NKIRAS1: variants seen among roughly 807,000 people sequenced by gnomAD.
NKIRAS1 encodes NFKB inhibitor interacting Ras like 1.
Under a neutral mutation model 19.8 loss-of-function variants are expected in NKIRAS1, and 16 were observed. The observed-to-expected ratio is 0.81, with a 90% CI of 0.55 to 1.23. NKIRAS1 has a LOEUF of 1.23. Among genes scored for constraint, NKIRAS1 ranks in the 50% most tolerant of loss-of-function variants. The probability of loss-of-function intolerance (pLI) is 0.00; values close to 1 mark genes in which losing one functional copy is unlikely to be tolerated. For missense variants in NKIRAS1, 184 were observed against 220.0 expected (o/e 0.84, Z 1.04); for synonymous variants, 88 against 79.0 (o/e 1.11, Z -0.61).
chr3:23,935,851 A>C (rs4300960), intron 1 of NKIRAS1, among the ~76,000 whole-genome samples: 20,551 of 152,102 alleles, frequency 0.14, 1,993 homozygotes, highest in African/African-American at 0.26. Flanking sequence ...AGGCCAAGGC[A>C]GGAGGATTGC....
chr3:23,902,195 TAC>T (rs1352019026), intron 3 of NKIRAS1, among the ~76,000 whole-genome samples: 1 of 152,224 alleles, frequency 6.6e-6, no homozygotes, highest in Non-Finnish European at 1.5e-5. Flanking sequence ...TTAAACTAGT[TAC>T]AGTTTTCCTA....
intron 1 of NKIRAS1, among the ~76,000 whole-genome samples, chr3:23,936,079 T>G (rs1705386726): frequency 4.5e-5 from 1 of 22,138 alleles, no homozygotes; most frequent in Non-Finnish European, 1.0e-4. Flanking sequence ...AGGGACCCTG[T>G]CTCAAAAAAA....
chr3:23,912,785 C>G (rs1456393287), intron 1 of NKIRAS1, among the ~76,000 whole-genome samples: 3 of 152,064 alleles, frequency 2.0e-5, no homozygotes, highest in African/African-American at 7.2e-5. Context: ...AGACTTGGAA[C>G]CAACCCAAAT....
At chr3:23,934,383 C>T (rs1253636557) in intron 1 of NKIRAS1, among the ~76,000 whole-genome samples, 2 of 152,156 alleles carry the variant, frequency 1.3e-5, no homozygotes, top group Non-Finnish European at 2.9e-5. Context: ...TTTTAGGCAG[C>T]TGTGGGCGAT....
upstream of NKIRAS1, chr3:23,920,512 G>T: frequency 1.0e-6 from 1 of 985,172 alleles, no homozygotes; most frequent in Non-Finnish European, 1.2e-6. Flanking sequence ...CCACCACATT[G>T]CATTTCTGTT....
upstream of NKIRAS1, chr3:23,918,663 G>A: frequency 6.8e-7 from 1 of 1,466,294 alleles, no homozygotes; most frequent in Non-Finnish European, 9.2e-7. Context: ...ATTGTACTTA[G>A]GTGAGCTGTC....
upstream of NKIRAS1, chr3:23,920,500 T>TACCA: frequency 1.0e-6 from 1 of 985,290 alleles, no homozygotes; most frequent in Non-Finnish European, 1.2e-6. Flanking sequence ...ACTATGAGTA[T>TACCA]ACCACCACAT....
chr3:23,940,657 T>C (rs1705475765), intron 1 of NKIRAS1, among the ~76,000 whole-genome samples: 1 of 152,204 alleles, frequency 6.6e-6, no homozygotes, highest in South Asian at 2.1e-4. Flanking sequence ...TAGTGATATA[T>C]AAATCATAAT....
chr3:23,920,184 C>A, upstream of NKIRAS1: 2 of 985,492 alleles, frequency 2.0e-6, no homozygotes, highest in East Asian at 2.3e-4. Context: ...AAATACCTTT[C>A]AAGTGTGAGC....
At chr3:23,919,130 ATTCT>A (rs1357058510), upstream of NKIRAS1, 5 of 1,115,936 alleles carry the variant, frequency 4.5e-6, no homozygotes, top group African/African-American at 6.2e-5. Context: ...GAGAATTAAA[ATTCT>A]TTCTGACTTG....
In NKIRAS1 at chr3:23,893,008, C is replaced by A; in HGVS notation, c.*87G>T. On this transcript the variant is annotated 3_prime_UTR_variant, in exon 5 of 5. Transcript: ENST00000425478. ...AAGGACCAAAGGTAGATACAAATGG[C>A]CTATTTTAAATAGTAATATTACTCC... is the stretch of plus-strand genomic sequence containing the variant. The A allele has an allele frequency of 7.4e-7, 1 of 1,351,284 alleles. No individual in the cohort carries two copies. The highest frequency in any genetic ancestry group is 9.8e-7 in the Non-Finnish European group (1 of 1,017,590). 83.7% of individuals were successfully genotyped at this position (1,351,284 alleles called of 1,614,324 possible).
intron 1 of NKIRAS1, chr3:23,946,083 C>A (rs1050882772): frequency 1.0e-6 from 1 of 984,508 alleles, no homozygotes; most frequent in African/African-American, 1.8e-5. Flanking sequence ...GAGGCTCCGC[C>A]CCTTTGGAAG....
upstream of NKIRAS1, chr3:23,920,387 A>G (rs747072040): frequency 2.6e-5 from 26 of 985,422 alleles, no homozygotes; most frequent in Non-Finnish European, 3.1e-5. Flanking sequence ...CATGGTTTCC[A>G]ACCATATGTG....
intron 4 of NKIRAS1, among the ~76,000 whole-genome samples, chr3:23,894,772 G>A (rs1165726894): frequency 6.6e-6 from 1 of 152,020 alleles, no homozygotes; most frequent in African/African-American, 2.4e-5. Flanking sequence ...TACCTCCAAT[G>A]GTGTCCTTCT....
At chr3:23,928,771 T>C (rs1705255010) in intron 1 of NKIRAS1, among the ~76,000 whole-genome samples, 1 of 149,196 alleles carries the variant, frequency 6.7e-6, no homozygotes, top group Non-Finnish European at 1.5e-5. Context: ...AAGGGTGGAT[T>C]GCCTGAGCTC....
At chr3:23,934,840 A>AT (rs942180940) in intron 1 of NKIRAS1, among the ~76,000 whole-genome samples, 2 of 145,500 alleles carry the variant, frequency 1.4e-5, no homozygotes, top group Non-Finnish European at 3.1e-5. Context: ...CTTGAAAAAA[A>AT]AAAACTTACA....
intron 1 of NKIRAS1, among the ~76,000 whole-genome samples, chr3:23,933,484 C>T (rs1705347531): frequency 6.6e-6 from 1 of 152,210 alleles, no homozygotes; most frequent in South Asian, 2.1e-4. Flanking sequence ...AAACATACTA[C>T]AATGCACAGA....
rs909882556 is a variant in NKIRAS1 at position 23,926,303 on chromosome 3, T to C, written c.-139-14853A>G. 9.9e-5 allele frequency among the ~76,000 whole-genome samples: 15 copies of C among 152,158 alleles called. No homozygotes were observed. Among genetic ancestry groups the C allele is most frequent in the East Asian group, 1.9e-4 (1 of 5,190 alleles). The stretch of plus-strand genomic sequence containing the variant: ...CTGACCTTAGGTGATCCACCTGCCT[T>C]GGACTCCCAAAGTGCTGGGATTATA... On this transcript the variant is annotated intron_variant, in intron 1 of 4. Transcript: ENST00000421515. The surrounding 1 kb of genome is among the most constrained non-coding windows in gnomAD (Gnocchi z 4.3).
At chr3:23,909,745 GAATA>G (rs1392672675) in intron 3 of NKIRAS1, among the ~76,000 whole-genome samples, 8 of 151,852 alleles carry the variant, frequency 5.3e-5, no homozygotes, top group Admixed American at 5.2e-4. Flanking sequence ...CTCAGCGAAT[GAATA>G]AATGAATGAG....
Sources: allele counts gnomAD v4.1 joint callset (sites outside exome capture counted in the v4.1 genomes callset), GRCh38; gene constraint gnomAD v4.1.1; non-coding constraint Gnocchi (gnomAD v3.1); transcripts MANE v1.5; gene names NCBI Gene and HGNC (gene_info 2026-07-23, HGNC 2026-07-21).